The following PHF24 variants were observed in gnomAD, a reference collection of about 807,000 sequenced individuals.
The protein encoded by PHF24 is PHD finger protein 24, also known as Galpha inhibitory interacting protein.
PHF24 carries 25 observed loss-of-function variants against 42.6 expected under a neutral mutation model. The observed-to-expected ratio is 0.59, with a 90% CI of 0.43 to 0.82. PHF24 has a LOEUF of 0.82. Among genes scored for constraint, PHF24 ranks in the 40% least tolerant of loss-of-function variants. The pLI is 0.00. For synonymous variants in PHF24, 185 were observed against 204.8 expected (o/e 0.90, Z 0.83); for missense variants, 470 against 538.1 (o/e 0.87, Z 1.25).
chr9:34,729,972 C>A, the PHF24 span, among the ~76,000 whole-genome samples: 2 of 152,058 alleles, frequency 1.3e-5, no homozygotes, highest in Non-Finnish European at 2.9e-5. Flanking sequence ...GGAAGGGGAC[C>A]ATGGCTGATG....
chr9:34,786,538 C>T, the PHF24 span, among the ~76,000 whole-genome samples: 1 of 152,156 alleles, frequency 6.6e-6, no homozygotes, highest in African/African-American at 2.4e-5. Context: ...GCATTTCATA[C>T]TAAATTGGTC....
At chr9:34,852,798 A>C in the PHF24 span, among the ~76,000 whole-genome samples, 1 of 152,020 alleles carries the variant, frequency 6.6e-6, no homozygotes. Flanking sequence ...TTTCCTGTAC[A>C]TGTGTATTTT....
chr9:34,955,263 C>T (rs562521020), upstream of PHF24, among the ~76,000 whole-genome samples: 1 of 151,558 alleles, frequency 6.6e-6, no homozygotes, highest in Non-Finnish European at 1.5e-5. Context: ...TCATAAATAT[C>T]TGAACTCAGA....
At chr9:34,874,688 C>T in the PHF24 span, among the ~76,000 whole-genome samples, 1 of 152,154 alleles carries the variant, frequency 6.6e-6, no homozygotes, top group East Asian at 1.9e-4. Flanking sequence ...GATATGCCTG[C>T]AGGTCAGAAA....
chr9:34,971,297 C>A, exon 2 of PHF24: 2 of 1,597,048 alleles, frequency 1.3e-6, no homozygotes, highest in Admixed American at 1.7e-5. Flanking sequence ...GTCCACAGAG[C>A]CATGGGGGTG....
chr9:34,829,596 C>G, the PHF24 span, among the ~76,000 whole-genome samples: 2 of 152,200 alleles, frequency 1.3e-5, no homozygotes, highest in East Asian at 3.8e-4. Flanking sequence ...AACCTCACAC[C>G]TTATAGCACT....
the PHF24 span, among the ~76,000 whole-genome samples, chr9:34,910,723 T>C: frequency 3.3e-5 from 5 of 152,172 alleles, no homozygotes; most frequent in Admixed American, 3.3e-4. Flanking sequence ...ATTTAAAGAC[T>C]AAGGGGTTTT....
the PHF24 span, chr9:34,917,243 T>A: frequency 7.9e-7 from 1 of 1,263,240 alleles, no homozygotes; most frequent in African/African-American, 1.5e-5. Flanking sequence ...TGCCTCAGGG[T>A]GAGAAAGTCC....
chr9:34,727,023 G>T, the PHF24 span: 2 of 1,531,490 alleles, frequency 1.3e-6, no homozygotes, highest in Non-Finnish European at 8.8e-7. Context: ...TAACGATGGA[G>T]TGACATCTGC....
chr9:34,850,257 G>T, the PHF24 span, among the ~76,000 whole-genome samples: 26 of 152,118 alleles, frequency 1.7e-4, no homozygotes, highest in Admixed American at 1.6e-3. Flanking sequence ...CGTAGATTTG[G>T]TCTTTTCACA....
At chr9:34,765,022 C>T in the PHF24 span, among the ~76,000 whole-genome samples, 1 of 152,106 alleles carries the variant, frequency 6.6e-6, no homozygotes, top group East Asian at 1.9e-4. Context: ...AAGTGAGTTT[C>T]TTAATCGTGA....
At chr9:34,710,466 CT>C in the PHF24 span, among the ~76,000 whole-genome samples, 1,993 of 117,416 alleles carry the variant, frequency 0.017, 18 homozygotes, top group Middle Eastern at 0.047. Flanking sequence ...TGTAAGAGTT[CT>C]TTTTTTTTTT....
the PHF24 span, among the ~76,000 whole-genome samples, chr9:34,951,631 T>A: frequency 4.5e-3 from 693 of 152,346 alleles, 7 homozygotes; most frequent in African/African-American, 0.016. Flanking sequence ...GCCCTGCTGA[T>A]GCCTTGATTT....
the PHF24 span, chr9:34,691,149 A>T: frequency 6.2e-7 from 1 of 1,613,324 alleles, no homozygotes; most frequent in Non-Finnish European, 8.5e-7. Flanking sequence ...TGGAGGGTGA[A>T]CAGAGGCAGG....
the PHF24 span, chr9:34,832,210 T>C: frequency 1.7e-5 from 7 of 405,892 alleles, no homozygotes; most frequent in Admixed American, 3.7e-5. Context: ...GCTGCAGCAG[T>C]TGGGGAGCCT....
chr9:34,899,569 T>C, the PHF24 span, among the ~76,000 whole-genome samples: 1 of 152,224 alleles, frequency 6.6e-6, no homozygotes, highest in Non-Finnish European at 1.5e-5. Context: ...TGCAACTCAG[T>C]GGCAACACTT....
At chr9:34,691,311 A>G in the PHF24 span, 1 of 521,216 alleles carries the variant, frequency 1.9e-6, no homozygotes, top group Non-Finnish European at 3.4e-6. Flanking sequence ...TTATGGCCAG[A>G]GCTTCACTTT....
At chr9:34,843,491 G>A in the PHF24 span, among the ~76,000 whole-genome samples, 28 of 152,246 alleles carry the variant, frequency 1.8e-4, no homozygotes, top group East Asian at 5.0e-3. Context: ...CTTGATTACT[G>A]TAGTTTTATA....
chr9:34,873,478 T>C, the PHF24 span, among the ~76,000 whole-genome samples: 68 of 151,072 alleles, frequency 4.5e-4, no homozygotes, highest in Non-Finnish European at 8.0e-4. Flanking sequence ...TCCCCATTTC[T>C]TGTTTTTGTC....
Sources: gnomAD v4.1 joint callset for allele counts (sites outside exome capture counted in the v4.1 genomes callset) on GRCh38, gnomAD v4.1.1 for gene constraint, MANE v1.5 for transcripts, NCBI Gene and HGNC (gene_info 2026-07-23, HGNC 2026-07-21) for gene names.